Variants in CFAP52 observed in about 807,000 individuals in gnomAD.
CFAP52 encodes cilia- and flagella-associated protein 52.
In CFAP52, 57 loss-of-function variants were observed where a neutral mutation model predicts 70.5. The observed-to-expected ratio is 0.81, with a 90% CI of 0.65 to 1.01. The LOEUF is 1.01. Ranked by LOEUF, CFAP52 falls within the 50% of genes least tolerant of loss-of-function variation. The pLI is 0.00. For synonymous variants in CFAP52, 267 were observed against 292.5 expected, an observed-to-expected ratio of 0.91 and a Z score of 0.89; for missense variants, 785 against 788.5, an observed-to-expected ratio of 1.00 and a Z score of 0.05.
intron 4 of CFAP52, among the ~76,000 whole-genome samples, chr17:9,596,722 G>GTT (rs369625026): frequency 0.016 from 2,403 of 147,414 alleles, 27 homozygotes; most frequent in Non-Finnish European, 0.022. Flanking sequence ...GTGTGTGTGT[G>GTT]TTTTTTTTTT....
intron 2 of CFAP52, 120 bp from the exon 3 acceptor site, chr17:9,586,578 A>T: frequency 7.4e-7 from 1 of 1,350,562 alleles, no homozygotes; most frequent in East Asian, 2.6e-5. Context: ...CAAAAAAAAA[A>T]AAAAAAAGAA....
At chr17:9,597,132 A>C (rs1909052989) in intron 4 of CFAP52, among the ~76,000 whole-genome samples, 1 of 151,282 alleles carries the variant, frequency 6.6e-6, no homozygotes, top group African/African-American at 2.4e-5. Flanking sequence ...GCTTTTTTAC[A>C]CTCCACAGCT....
At chr17:9,631,316 C>T (rs1167293874) in intron 9 of CFAP52, among the ~76,000 whole-genome samples, 3 of 152,174 alleles carry the variant, frequency 2.0e-5, no homozygotes, top group South Asian at 2.1e-4. Flanking sequence ...TAGATAGAGC[C>T]TTTGCTCTGA....
rs75556393 is a variant in CFAP52, at chr17:9,622,978, G to T, written c.1026-5694G>T. Among the ~76,000 whole-genome samples, 931 of 152,136 alleles carry T rather than the reference G, an allele frequency of 6.1e-3. 11 individuals are homozygous for T. The highest frequency in any genetic ancestry group is 0.021 in the African/African-American group (861 of 41,518). ...TCTGTGGAAGCTTTTAATGTAGTTA[G>T]TGTCATACAGATCTTCTTCTCCTTA... is the stretch of plus-strand genomic sequence containing the variant. On this transcript the variant is annotated intron_variant, in intron 8 of 13. Transcript: ENST00000352665.
chr17:9,593,090 C>T (rs1908836032), intron 3 of CFAP52, among the ~76,000 whole-genome samples: 1 of 152,108 alleles, frequency 6.6e-6, no homozygotes, highest in Non-Finnish European at 1.5e-5. Flanking sequence ...TAATACATTC[C>T]ATATGTAGAA....
chr17:9,598,289 G>A lies in CFAP52; in HGVS notation c.592G>A (p.Glu198Lys). The part of the protein sequence containing the change: ...DLPNRKIWPT[E>K]CQTGQLKRIV... Reference sequence around the variant, plus strand: ...TCCAAATAGAAAAATCTGGCCAACTGAGTGCCAAACAGGACAGTTGAAAAG... The same window carrying A: ...TCCAAATAGAAAAATCTGGCCAACTAAGTGCCAAACAGGACAGTTGAAAAG... The change falls in exon 5 of 14, where the codon GAG (glutamate) becomes AAG (lysine). Residue 198 changes from glutamate to lysine, a missense_variant. Coordinates refer to ENST00000352665, the MANE Select transcript of CFAP52 (RefSeq NM_145054.5). The A allele has an allele frequency of 1.2e-6, 2 of 1,613,314 alleles. No individual in the cohort carries two copies. Among genetic ancestry groups the A allele is most frequent in the Non-Finnish European group, 1.7e-6 (2 of 1,179,928 alleles).
At chr17:9,587,672 T>C (rs1232819134) in intron 3 of CFAP52, among the ~76,000 whole-genome samples, 10 of 152,222 alleles carry the variant, frequency 6.6e-5, no homozygotes, top group Non-Finnish European at 1.2e-4. Context: ...ATGTCTTCTT[T>C]TGCAAAGTGT....
intron 8 of CFAP52, among the ~76,000 whole-genome samples, chr17:9,615,997 C>G (rs1259526084): frequency 6.6e-6 from 1 of 151,306 alleles, no homozygotes; most frequent in Admixed American, 6.6e-5. Context: ...GGGGAGGAGC[C>G]AAGATGGCCG....
At chr17:9,604,681 T>A (rs1909407268) in intron 6 of CFAP52, among the ~76,000 whole-genome samples, 1 of 151,494 alleles carries the variant, frequency 6.6e-6, no homozygotes, top group Non-Finnish European at 1.5e-5. Context: ...GGCAGGAGAA[T>A]CACTTGAACC....
intron 8 of CFAP52, among the ~76,000 whole-genome samples, chr17:9,622,711 G>A (rs929339175): frequency 6.6e-6 from 1 of 152,056 alleles, no homozygotes; most frequent in Non-Finnish European, 1.5e-5. Context: ...TTGTATTGAA[G>A]TATAACATAT....
chr17:9,580,831 C>G (rs1908192120), intron 1 of CFAP52, among the ~76,000 whole-genome samples: 1 of 151,884 alleles, frequency 6.6e-6, no homozygotes, highest in Non-Finnish European at 1.5e-5. Context: ...ATTAATTTTA[C>G]AACCTTGTTG....
intron 4 of CFAP52, 79 bp from the exon 5 acceptor site, chr17:9,598,155 C>T: frequency 8.9e-7 from 1 of 1,127,454 alleles, no homozygotes. Context: ...TAGATCTCTT[C>T]CCTTCAGTTT....
At chr17:9,640,550 C>A (rs2151954293) in intron 12 of CFAP52, among the ~76,000 whole-genome samples, 1 of 152,262 alleles carries the variant, frequency 6.6e-6, no homozygotes, top group South Asian at 2.1e-4. Flanking sequence ...CCAACTCCAT[C>A]CATGTCCCGG....
chr17:9,584,382 A>G (rs1458681408), intron 1 of CFAP52: 1 of 1,272,262 alleles, frequency 7.9e-7, no homozygotes, highest in Non-Finnish European at 1.0e-6. Context: ...GTGGGCACTC[A>G]GAACTGAAAC....
At chr17:9,622,044 T>C (rs1910061379) in intron 8 of CFAP52, among the ~76,000 whole-genome samples, 1 of 142,266 alleles carries the variant, frequency 7.0e-6, no homozygotes. Flanking sequence ...CATCAAAGAC[T>C]ACAGTTAACC....
chr17:9,591,771 G>A (rs1473235477), intron 3 of CFAP52, among the ~76,000 whole-genome samples: 1 of 151,640 alleles, frequency 6.6e-6, no homozygotes, highest in Non-Finnish European at 1.5e-5. Flanking sequence ...CCAGCTACTT[G>A]GGAGGCTGAA....
At chr17:9,604,421 T>G (rs1322771698) in intron 6 of CFAP52, among the ~76,000 whole-genome samples, 1 of 151,926 alleles carries the variant, frequency 6.6e-6, no homozygotes, top group African/African-American at 2.4e-5. Flanking sequence ...CTTTTAAAAC[T>G]CAACAATAAG....
chr17:9,595,797 A>G (rs1283362234), intron 4 of CFAP52, among the ~76,000 whole-genome samples: 1 of 151,766 alleles, frequency 6.6e-6, no homozygotes, highest in Non-Finnish European at 1.5e-5. Context: ...TCCCAGTGCC[A>G]TGTATTCCAC....
intron 6 of CFAP52, among the ~76,000 whole-genome samples, chr17:9,602,998 A>C (rs1340470373): frequency 6.6e-6 from 1 of 152,220 alleles, no homozygotes; most frequent in East Asian, 1.9e-4. Flanking sequence ...TAAGGAGAGC[A>C]AGTCTTAGAG....
Sources: gnomAD v4.1 joint callset for allele counts (sites outside exome capture counted in the v4.1 genomes callset) on GRCh38, gnomAD v4.1.1 for gene constraint, MANE v1.5 for transcripts, NCBI Gene and HGNC (gene_info 2026-07-23, HGNC 2026-07-21) for gene names.